The following JAKMIP2 variants were observed in gnomAD, a reference collection of about 807,000 sequenced individuals.
JAKMIP2 encodes janus kinase and microtubule interacting protein 2.
In JAKMIP2, 25 loss-of-function variants were observed where a neutral mutation model predicts 115.0. The ratio of observed to expected loss-of-function variants is 0.22; its 90% CI spans 0.16 to 0.30. JAKMIP2 has a LOEUF of 0.30. Among genes scored for constraint, JAKMIP2 ranks in the 10% least tolerant of loss-of-function variants. JAKMIP2 has a pLI of 1.00. For missense variants in JAKMIP2, 642 were observed against 957.6 expected, an observed-to-expected ratio of 0.67 and a Z score of 4.35; for synonymous variants, 334 against 343.6, an observed-to-expected ratio of 0.97 and a Z score of 0.31.
At chr5:147,691,448 G>A (rs1751852117) in intron 1 of JAKMIP2, among the ~76,000 whole-genome samples, 2 of 152,100 alleles carry the variant, frequency 1.3e-5, no homozygotes, top group South Asian at 4.1e-4. Context: ...ATTCCAAGTA[G>A]CATTCTTTCT....
At chr5:147,696,249 G>A (rs1208730500) in intron 1 of JAKMIP2, among the ~76,000 whole-genome samples, 1 of 152,100 alleles carries the variant, frequency 6.6e-6, no homozygotes, top group East Asian at 1.9e-4. Context: ...AACTCGAATT[G>A]TAGTTCCCAT....
Position 147,671,829 on chromosome 5 carries a change from G to A in JAKMIP2, c.-23C>T, listed in dbSNP as rs775441645. 2 of 1,530,382 alleles carry A rather than the reference G, an allele frequency of 1.3e-6. No individual in the cohort carries two copies. The highest frequency in any genetic ancestry group is 2.1e-5 in the Admixed American group (1 of 47,848). The allele number at this position is 1,530,382 out of a possible 1,614,324, so 94.8% of individuals were successfully genotyped here. A position where few individuals can be genotyped will look rare whatever the true frequency, so the allele number is the denominator to read the frequency against. ...CATTGTTCCTTTCTAAATGGAGTCT[G>A]TTGGTTTTTAATTTCTTTCAAGCAG... On this transcript the variant is annotated 5_prime_UTR_variant, in exon 2 of 22. Transcript: ENST00000616793.
At chr5:147,738,454 A>G (rs1754008930) in intron 1 of JAKMIP2, among the ~76,000 whole-genome samples, 1 of 152,206 alleles carries the variant, frequency 6.6e-6, no homozygotes, top group South Asian at 2.1e-4. Flanking sequence ...GTCATTATAG[A>G]TGAACATAAC....
intron 11 of JAKMIP2, chr5:147,636,538 TG>T: frequency 1.7e-6 from 1 of 581,564 alleles, no homozygotes. Flanking sequence ...ACCAGCCTTC[TG>T]GGGACTCAGA....
rs4352590 is a variant in JAKMIP2, at chr5:147,741,819, G to C, written c.-149+40637C>G. 4.4e-3 allele frequency among the ~76,000 whole-genome samples: 664 copies of C among 151,980 alleles called. 8 individuals carry two copies. The highest frequency in any genetic ancestry group is 0.015 in the African/African-American group (624 of 41,454). ...ATACTTGAGCCTTCATAAAGTATGG[G>C]GACAAGCATCAGCAAAACTGCTGGA... is the stretch of plus-strand genomic sequence containing the variant. On this transcript the variant is annotated intron_variant, in intron 1 of 21. Transcript: ENST00000616793.
intron 1 of JAKMIP2, among the ~76,000 whole-genome samples, chr5:147,726,068 C>T (rs1175056428): frequency 6.6e-6 from 1 of 152,194 alleles, no homozygotes; most frequent in African/African-American, 2.4e-5. Flanking sequence ...CACCCTGCCA[C>T]AGACAATGCT....
chr5:147,633,936 C>G (rs1215133247), intron 12 of JAKMIP2, among the ~76,000 whole-genome samples: 1 of 152,040 alleles, frequency 6.6e-6, no homozygotes, highest in African/African-American at 2.4e-5. Flanking sequence ...GTGATCCACC[C>G]GCCTCGGCCT....
At chr5:147,746,468 C>T (rs1000729799) in intron 1 of JAKMIP2, among the ~76,000 whole-genome samples, 14 of 151,596 alleles carry the variant, frequency 9.2e-5, no homozygotes, top group Admixed American at 5.3e-4. Flanking sequence ...TATATATAAA[C>T]AAATGAATAT....
intron 1 of JAKMIP2, among the ~76,000 whole-genome samples, chr5:147,717,312 T>G (rs1213584467): frequency 6.9e-6 from 1 of 144,718 alleles, no homozygotes; most frequent in African/African-American, 2.6e-5. Context: ...TGGCTTAGGA[T>G]TGACTTGGCA....
At chr5:147,594,443 T>TTG (rs1416673302) in intron 21 of JAKMIP2, 2 of 455,410 alleles carry the variant, frequency 4.4e-6, no homozygotes, top group African/African-American at 4.0e-5. Flanking sequence ...TAAGCCATCC[T>TTG]TGCACTTCAG....
intron 1 of JAKMIP2, among the ~76,000 whole-genome samples, chr5:147,700,767 C>T (rs541201613): frequency 4.9e-4 from 75 of 152,254 alleles, no homozygotes; most frequent in Non-Finnish European, 9.4e-4. Context: ...AAGTTTATTG[C>T]CTTTCTGGAA....
intron 1 of JAKMIP2, among the ~76,000 whole-genome samples, chr5:147,763,256 A>G (rs1236703213): frequency 6.6e-6 from 1 of 152,102 alleles, no homozygotes; most frequent in Non-Finnish European, 1.5e-5. Context: ...TTTGTTTTCT[A>G]TATTCTAAAT....
intron 4 of JAKMIP2, among the ~76,000 whole-genome samples, 162 bp downstream of exon 4, chr5:147,650,176 G>A (rs1758327579): frequency 6.6e-6 from 1 of 152,160 alleles, no homozygotes; most frequent in Admixed American, 6.5e-5. Context: ...AGTTGTCTAT[G>A]AGTTTAGAAA....
Position 147,641,766 on chromosome 5 carries a change from T to C in JAKMIP2, c.1225-2A>G, listed in dbSNP as rs1326798887. The C allele has an allele frequency of 6.2e-7, 1 of 1,612,010 alleles. No homozygotes were observed. The highest frequency in any genetic ancestry group is 1.3e-5 in the African/African-American group (1 of 74,892). On this transcript the variant is annotated splice_acceptor_variant, in intron 7 of 21. Coordinates refer to ENST00000616793, the MANE Select transcript of JAKMIP2 (RefSeq NM_001270941.2). LOFTEE classifies it high-confidence loss of function. ...TCTACGGATGAGCTTTTCTCGGTCC[T>C]GGAAAACAGATGAAAGATTTTCAGA...
At chr5:147,598,191 C>A (rs557886641) in intron 21 of JAKMIP2, among the ~76,000 whole-genome samples, 35 of 151,768 alleles carry the variant, frequency 2.3e-4, no homozygotes, top group Admixed American at 7.9e-4. Context: ...ATTAGAGACG[C>A]GGTTTCACCA....
At chr5:147,713,699 T>C (rs1349042900) in intron 1 of JAKMIP2, among the ~76,000 whole-genome samples, 1 of 152,162 alleles carries the variant, frequency 6.6e-6, no homozygotes, top group Non-Finnish European at 1.5e-5. Context: ...CATAGAGCAC[T>C]CAGGGACTTT....
Position 147,607,605 on chromosome 5 carries a change from T to C in JAKMIP2, c.2412+4701A>G, listed in dbSNP as rs539009726. The stretch of plus-strand genomic sequence containing the variant: ...ATTTTATTGAGGATTGTCACAACGA[T>C]GCTCATCAGGGATACTGGCCTGAAA... On this transcript the variant is annotated intron_variant, in intron 20 of 21. Transcript: ENST00000616793. Among the ~76,000 whole-genome samples, 4 of 152,336 alleles carry C rather than the reference T, an allele frequency of 2.6e-5. No homozygotes were observed. In the East Asian group the frequency reaches 5.8e-4, roughly 22 times the overall value.
At chr5:147,713,520 T>C (rs975021376) in intron 1 of JAKMIP2, among the ~76,000 whole-genome samples, 24 of 152,188 alleles carry the variant, frequency 1.6e-4, no homozygotes, top group African/African-American at 4.3e-4. Flanking sequence ...TATGAAATTC[T>C]ACTTAATTAA....
chr5:147,648,578 T>C, intron 4 of JAKMIP2, 104 bp from the exon 5 acceptor site: 1 of 680,282 alleles, frequency 1.5e-6, no homozygotes, highest in East Asian at 2.6e-5. Flanking sequence ...TTCTCTTATC[T>C]GGCTCCTGAA....
Sources: allele counts gnomAD v4.1 joint callset (sites outside exome capture counted in the v4.1 genomes callset), GRCh38; gene constraint gnomAD v4.1.1; transcripts MANE v1.5; gene names NCBI Gene and HGNC (gene_info 2026-07-23, HGNC 2026-07-21).